Variants in ZMIZ1 observed in about 807,000 individuals in gnomAD.
The protein encoded by ZMIZ1 is zinc finger MIZ domain-containing protein 1.
Under a neutral mutation model 113.9 loss-of-function variants are expected in ZMIZ1, and 17 were observed. The ratio of observed to expected loss-of-function variants is 0.15; its 90% CI spans 0.10 to 0.22. ZMIZ1 has a LOEUF of 0.22. Among genes scored for constraint, ZMIZ1 ranks in the 10% least tolerant of loss-of-function variants. The pLI, the probability that ZMIZ1 is intolerant of heterozygous loss-of-function variation, is 1.00. For missense variants in ZMIZ1, 1,059 were observed against 1,477.8 expected, an observed-to-expected ratio of 0.72 and a Z score of 4.65; for synonymous variants, 607 against 603.1, an observed-to-expected ratio of 1.01 and a Z score of -0.09.
chr10:79,289,490 T>C (rs1853318141), intron 8 of ZMIZ1, among the ~76,000 whole-genome samples: 4 of 152,140 alleles, frequency 2.6e-5, no homozygotes, highest in Admixed American at 2.6e-4. Context: ...ACTTCATCAG[T>C]TGCATGACCT....
chr10:79,302,415 C>T (rs766109398), intron 18 of ZMIZ1, among the ~76,000 whole-genome samples: 2 of 152,158 alleles, frequency 1.3e-5, no homozygotes, highest in Non-Finnish European at 2.9e-5. Flanking sequence ...AGCTAGGTCC[C>T]ATAAGAGCTG....
intron 7 of ZMIZ1, among the ~76,000 whole-genome samples, chr10:79,240,137 C>T (rs962314568): frequency 2.0e-5 from 3 of 151,786 alleles, no homozygotes; most frequent in East Asian, 3.9e-4. Context: ...CAAGCGCTGG[C>T]GGGCATTCAT....
chr10:79,090,872 C>T (rs1190146875), intron 1 of ZMIZ1, among the ~76,000 whole-genome samples: 16 of 152,234 alleles, frequency 1.1e-4, no homozygotes, highest in Admixed American at 9.2e-4. Context: ...TTAGGTCTTG[C>T]TGCCTTTTCC....
chr10:79,117,373 A>G (rs1430972873), intron 1 of ZMIZ1, among the ~76,000 whole-genome samples: 1 of 152,194 alleles, frequency 6.6e-6, no homozygotes, highest in Non-Finnish European at 1.5e-5. Flanking sequence ...ATATAAATGG[A>G]TCTCATAAGT....
Position 79,202,490 on chromosome 10 carries a change from C to A in ZMIZ1, c.60+798C>A, listed in dbSNP as rs553310326. On this transcript the variant is annotated intron_variant, in intron 5 of 24. Coordinates refer to ENST00000334512, the MANE Select transcript of ZMIZ1 (RefSeq NM_020338.4). ...CACAAGACAAGAGGTCCTAGGAAATCATATCATTTTACAGGAAAGGAAACA... is the reference window on the plus strand; with the variant it reads ...CACAAGACAAGAGGTCCTAGGAAATAATATCATTTTACAGGAAAGGAAACA... 1.6e-4 allele frequency among the ~76,000 whole-genome samples: 25 copies of A among 152,104 alleles called. No homozygotes were observed. In the East Asian group the frequency reaches 4.8e-3, roughly 29 times the overall value.
intron 2 of ZMIZ1, among the ~76,000 whole-genome samples, chr10:79,133,333 G>A (rs937047056): frequency 6.6e-6 from 1 of 152,164 alleles, no homozygotes; most frequent in African/African-American, 2.4e-5. Flanking sequence ...GTGCTCTGCT[G>A]GTCTGGAACT....
chr10:79,216,749 C>G (rs1182228296), intron 7 of ZMIZ1, among the ~76,000 whole-genome samples: 1 of 152,226 alleles, frequency 6.6e-6, no homozygotes, highest in Non-Finnish European at 1.5e-5. Context: ...CCTTTATACT[C>G]CACTACGTTC....
chr10:79,206,544 C>T (rs1245896615), intron 5 of ZMIZ1, among the ~76,000 whole-genome samples: 3 of 152,218 alleles, frequency 2.0e-5, no homozygotes, highest in East Asian at 1.9e-4. Flanking sequence ...GGTGAGGACC[C>T]GCCGCTGCCC....
intron 7 of ZMIZ1, among the ~76,000 whole-genome samples, chr10:79,276,338 G>A (rs1314355900): frequency 6.6e-6 from 1 of 152,216 alleles, no homozygotes; most frequent in Non-Finnish European, 1.5e-5. Flanking sequence ...GAGACACGCT[G>A]GCCTGGGAGG....
chr10:79,109,468 G>A (rs7086384), intron 1 of ZMIZ1, among the ~76,000 whole-genome samples: 74,810 of 152,110 alleles, frequency 0.49, 18,745 homozygotes, highest in African/African-American at 0.6. Flanking sequence ...CAGTCCAGGA[G>A]TCCTGAAGGA....
intron 1 of ZMIZ1, among the ~76,000 whole-genome samples, chr10:79,078,570 CTTTTTTT>C (rs34178865): frequency 2.3e-5 from 2 of 87,812 alleles, no homozygotes; most frequent in Admixed American, 1.4e-4. Flanking sequence ...CCACCCCCGA[CTTTTTTT>C]TTTTTTTTTT....
chr10:79,225,877 T>A (rs1444524709), intron 7 of ZMIZ1, among the ~76,000 whole-genome samples: 1 of 152,206 alleles, frequency 6.6e-6, no homozygotes, highest in African/African-American at 2.4e-5. Flanking sequence ...TCTGTCCATC[T>A]ACACCATTTC....
At chr10:79,101,905 T>G (rs755772895) in intron 1 of ZMIZ1, among the ~76,000 whole-genome samples, 2 of 152,172 alleles carry the variant, frequency 1.3e-5, no homozygotes, top group Non-Finnish European at 2.9e-5. Context: ...GCTGCCACAA[T>G]GCAGGGAGGC....
intron 1 of ZMIZ1, among the ~76,000 whole-genome samples, chr10:79,083,639 G>A (rs1842725920): frequency 6.6e-6 from 1 of 152,204 alleles, no homozygotes; most frequent in Non-Finnish European, 1.5e-5. Flanking sequence ...GCCACAAGGA[G>A]ACCATCTGGG....
chr10:79,191,164 A>G (rs764017787), intron 4 of ZMIZ1, among the ~76,000 whole-genome samples: 3 of 152,102 alleles, frequency 2.0e-5, no homozygotes, highest in African/African-American at 4.8e-5. Context: ...CTGGTCCTTA[A>G]GGGCTGATCT....
chr10:79,184,684 A>G (rs1847277051), intron 4 of ZMIZ1, among the ~76,000 whole-genome samples: 1 of 152,086 alleles, frequency 6.6e-6, no homozygotes, highest in South Asian at 2.1e-4. Flanking sequence ...GATGGGCTCT[A>G]TGTCTAGGAG....
intron 5 of ZMIZ1, among the ~76,000 whole-genome samples, chr10:79,202,189 GAAAAAAAAAAAAAA>G (rs58021590): frequency 2.3e-4 from 12 of 52,636 alleles, no homozygotes; most frequent in Non-Finnish European, 4.2e-4. Context: ...CCCTGTCTCA[GAAAAAAAAAAAAAA>G]AAAAAAAAAA....
intron 1 of ZMIZ1, among the ~76,000 whole-genome samples, chr10:79,083,575 TC>T (rs11304299): frequency 0.71 from 107,532 of 152,030 alleles, 39,310 homozygotes; most frequent in African/African-American, 0.91. Flanking sequence ...ATCAGATGTG[TC>T]CCTCTAAGAT....
intron 1 of ZMIZ1, among the ~76,000 whole-genome samples, chr10:79,106,405 G>C (rs189233632): frequency 6.6e-6 from 1 of 152,360 alleles, no homozygotes; most frequent in East Asian, 1.9e-4. Context: ...CTGTAAGAGA[G>C]CATGGGGACC....
Sources: gnomAD v4.1 joint callset for allele counts (sites outside exome capture counted in the v4.1 genomes callset) on GRCh38, gnomAD v4.1.1 for gene constraint, MANE v1.5 for transcripts, NCBI Gene and HGNC (gene_info 2026-07-23, HGNC 2026-07-21) for gene names.